KLF8: variants seen among roughly 807,000 people sequenced by gnomAD.
KLF8 encodes the protein Krueppel-like factor 8.
KLF8 carries 10 observed loss-of-function variants against 18.2 expected under a neutral mutation model. That is an observed-to-expected ratio of 0.55 (90% CI 0.34 to 0.93). The LOEUF (loss-of-function observed/expected upper bound fraction) is 0.93, where lower values mean the gene tolerates loss of function less well. KLF8 is among the 40% of genes least tolerant of loss of function. The pLI is 0.02. For missense variants in KLF8, 264 were observed against 277.9 expected (o/e 0.95, Z 0.36); for synonymous variants, 109 against 97.3 (o/e 1.12, Z -0.71).
chrX:56,053,448 A>T, the KLF8 span, among the ~76,000 whole-genome samples: 35 of 110,039 alleles, frequency 3.2e-4, no homozygotes, highest in East Asian at 3.4e-3. Flanking sequence ...ATCAATTTTC[A>T]TCAAGGATAT....
chrX:56,096,216 T>A, the KLF8 span, among the ~76,000 whole-genome samples: 1 of 111,567 alleles, frequency 9.0e-6, no homozygotes, highest in Admixed American at 9.6e-5. Context: ...TACTACGTAT[T>A]CTCACTTATA....
chrX:56,150,645 T>G, the KLF8 span, among the ~76,000 whole-genome samples: 1 of 110,661 alleles, frequency 9.0e-6, no homozygotes, highest in East Asian at 2.9e-4. Context: ...AAAAATAGTC[T>G]CTCTTTGGTT....
chrX:55,911,715 C>T, the KLF8 span, among the ~76,000 whole-genome samples: 1 of 111,900 alleles, frequency 8.9e-6, no homozygotes, highest in Non-Finnish European at 1.9e-5. Flanking sequence ...AGAACAAGAA[C>T]AAGTCACACA....
rs1389333229 is a variant in KLF8 at position 56,288,254 on chromosome X, T to A, written c.*3760T>A. ...ACACTTGATCTCAAAAAAAAAAAAA[T>A]TGTTTCAGCATCTTGTTCAGGATTC... On this transcript the variant is annotated 3_prime_UTR_variant, in exon 6 of 6. Transcript: ENST00000468660. Among the ~76,000 whole-genome samples, 1 of 109,228 alleles carries A rather than the reference T, an allele frequency of 9.2e-6. No homozygotes were observed. Among genetic ancestry groups the A allele is most frequent in the Non-Finnish European group, 1.9e-5 (1 of 52,524 alleles). The allele number at this position is 109,228 out of a possible 115,157, so 94.9% of individuals were successfully genotyped here.
At chrX:55,947,085 C>T in the KLF8 span, among the ~76,000 whole-genome samples, 2 of 111,273 alleles carry the variant, frequency 1.8e-5, no homozygotes, top group Non-Finnish European at 3.8e-5. Flanking sequence ...GTGGCGATTC[C>T]TCAGGGATCT....
intron 2 of KLF8, among the ~76,000 whole-genome samples, chrX:56,259,830 G>GGA (rs2066860113): frequency 9.1e-6 from 1 of 110,380 alleles, no homozygotes; most frequent in Non-Finnish European, 1.9e-5. Context: ...TATTAGTTTT[G>GGA]TCCTAAGCTA....
chrX:55,914,891 C>T, the KLF8 span, among the ~76,000 whole-genome samples: 2 of 111,106 alleles, frequency 1.8e-5, no homozygotes, highest in Non-Finnish European at 3.8e-5. Flanking sequence ...ACACTATACC[C>T]GAAAGCTATT....
At chrX:56,000,172 C>T in the KLF8 span, among the ~76,000 whole-genome samples, 1 of 110,654 alleles carries the variant, frequency 9.0e-6, no homozygotes, top group Non-Finnish European at 1.9e-5. Context: ...GGAAACATCC[C>T]TGCATCTATA....
chrX:56,152,265 G>A, the KLF8 span, among the ~76,000 whole-genome samples: 1 of 111,323 alleles, frequency 9.0e-6, no homozygotes, highest in East Asian at 2.8e-4. Context: ...TGTATAAGGG[G>A]GTCATAGTGC....
At chrX:55,917,645 C>T in the KLF8 span, among the ~76,000 whole-genome samples, 1 of 111,305 alleles carries the variant, frequency 9.0e-6, no homozygotes, top group East Asian at 2.8e-4. Context: ...GTCATCTACT[C>T]ACTCTTCTGC....
the KLF8 span, among the ~76,000 whole-genome samples, chrX:56,212,134 G>A: frequency 1.8e-5 from 2 of 111,499 alleles, no homozygotes; most frequent in South Asian, 7.7e-4. Flanking sequence ...TGGAATGGGG[G>A]TGTCACAACT....
At chrX:56,000,696 A>T in the KLF8 span, among the ~76,000 whole-genome samples, 1 of 110,071 alleles carries the variant, frequency 9.1e-6, no homozygotes, top group Non-Finnish European at 1.9e-5. Flanking sequence ...TAATGTTTTT[A>T]TTTTTATTTT....
At chrX:55,985,182 G>A in the KLF8 span, among the ~76,000 whole-genome samples, 14 of 111,096 alleles carry the variant, frequency 1.3e-4, no homozygotes, top group African/African-American at 2.9e-4. Flanking sequence ...TGATGTTTTC[G>A]TCATTAAATA....
At chrX:56,131,350 A>G in the KLF8 span, among the ~76,000 whole-genome samples, 1 of 111,768 alleles carries the variant, frequency 8.9e-6, no homozygotes, top group South Asian at 3.7e-4. Context: ...TCCTTAAACA[A>G]AACAATTATC....
chrX:56,157,893 A>T, the KLF8 span, among the ~76,000 whole-genome samples: 2 of 111,586 alleles, frequency 1.8e-5, no homozygotes, highest in Non-Finnish European at 3.8e-5. Flanking sequence ...TCTTGAGTTT[A>T]ATTAGATCCC....
chrX:56,070,565 G>A, the KLF8 span, among the ~76,000 whole-genome samples: 2 of 111,136 alleles, frequency 1.8e-5, no homozygotes, highest in Admixed American at 1.9e-4. Flanking sequence ...CACAGGAACA[G>A]GAACCCAAAC....
chrX:56,048,220 C>T, the KLF8 span, among the ~76,000 whole-genome samples: 1 of 111,444 alleles, frequency 9.0e-6, no homozygotes, highest in East Asian at 2.8e-4. Context: ...TGTAGGTTGC[C>T]TGTTCACTCT....
chrX:56,253,698 G>A (rs1322267381), intron 2 of KLF8, among the ~76,000 whole-genome samples: 1 of 104,586 alleles, frequency 9.6e-6, no homozygotes, highest in Non-Finnish European at 2.0e-5. Flanking sequence ...CTCGGTATTT[G>A]TGGTTTGATA....
chrX:55,914,183 A>G, the KLF8 span, among the ~76,000 whole-genome samples: 1 of 111,914 alleles, frequency 8.9e-6, no homozygotes, highest in African/African-American at 3.2e-5. Context: ...GTTTAATTAA[A>G]TCTGGTCATA....
Sources: allele counts gnomAD v4.1 joint callset (sites outside exome capture counted in the v4.1 genomes callset), GRCh38; gene constraint gnomAD v4.1.1; transcripts MANE v1.5; gene names NCBI Gene and HGNC (gene_info 2026-07-23, HGNC 2026-07-21).